ADAMTS17: variants seen among roughly 807,000 people sequenced by gnomAD.
ADAMTS17 encodes ADAM metallopeptidase with thrombospondin type 1 motif 17.
ADAMTS17 carries 113 observed loss-of-function variants against 141.5 expected under a neutral mutation model. The ratio of observed to expected loss-of-function variants is 0.80; its 90% CI spans 0.69 to 0.93. The LOEUF (loss-of-function observed/expected upper bound fraction) is 0.93, where lower values mean the gene tolerates loss of function less well. ADAMTS17 is among the 40% of genes least tolerant of loss of function. ADAMTS17 has a pLI of 0.00. For missense variants in ADAMTS17, 1,659 were observed against 1,517.9 expected, an observed-to-expected ratio of 1.09 and a Z score of -1.54; for synonymous variants, 768 against 630.6, an observed-to-expected ratio of 1.22 and a Z score of -3.27.
intron 5 of ADAMTS17, among the ~76,000 whole-genome samples, chr15:100,262,080 G>A (rs2043539576): frequency 6.6e-6 from 1 of 152,152 alleles, no homozygotes; most frequent in African/African-American, 2.4e-5. Context: ...TTGCCATCAA[G>A]CTTTGCACTA....
intron 15 of ADAMTS17, among the ~76,000 whole-genome samples, chr15:100,061,345 C>A (rs2033106607): frequency 6.6e-6 from 1 of 152,186 alleles, no homozygotes; most frequent in Non-Finnish European, 1.5e-5. Flanking sequence ...AGAGCAAGAC[C>A]TTGCAGCCCA....
intron 3 of ADAMTS17, among the ~76,000 whole-genome samples, chr15:100,326,301 A>G (rs1021884180): frequency 6.6e-6 from 1 of 152,230 alleles, no homozygotes; most frequent in South Asian, 2.1e-4. Flanking sequence ...GAAGGACAGG[A>G]AAGACTCCAA....
intron 10 of ADAMTS17, among the ~76,000 whole-genome samples, chr15:100,150,814 C>G (rs1430453118): frequency 6.6e-6 from 1 of 152,164 alleles, no homozygotes; most frequent in East Asian, 1.9e-4. Flanking sequence ...TTCCCCAGCC[C>G]CAGTGTCTGG....
chr15:100,168,506 G>C (rs1797972984), intron 8 of ADAMTS17: 1 of 152,224 alleles, frequency 6.6e-6, no homozygotes. Flanking sequence ...ACACAGGGCT[G>C]GGACAGGGCA....
At chr15:100,172,593 C>A (rs540598205) in intron 8 of ADAMTS17, among the ~76,000 whole-genome samples, 1 of 152,276 alleles carries the variant, frequency 6.6e-6, no homozygotes, top group South Asian at 2.1e-4. Context: ...CTTTAGTTAC[C>A]TGTTCCTAAC....
intron 18 of ADAMTS17, among the ~76,000 whole-genome samples, chr15:99,998,323 G>C (rs2060847004): frequency 6.6e-6 from 1 of 152,166 alleles, no homozygotes; most frequent in African/African-American, 2.4e-5. Flanking sequence ...CTTCGGCTCA[G>C]GCTGGGCGGT....
chr15:100,123,450 C>T (rs373204467), intron 12 of ADAMTS17, among the ~76,000 whole-genome samples: 8 of 152,286 alleles, frequency 5.3e-5, no homozygotes, highest in East Asian at 1.9e-4. Context: ...GGCAGGAAGG[C>T]GCAGCCCTAC....
At chr15:99,977,394 ATATATAATTTTTTTTTTTTT>A (rs2060380885) in intron 20 of ADAMTS17, among the ~76,000 whole-genome samples, 5 of 5,350 alleles carry the variant, frequency 9.3e-4, no homozygotes, top group African/African-American at 3.0e-3. Context: ...ATATATATAT[ATATATAATTTTTTTTTTTTT>A]TTTTTTTTTT....
At position 100,281,259 on chromosome 15, in the gene ADAMTS17, G is replaced by T. The variant is rs1201313870; in HGVS notation, c.759C>A (p.Ala253=). 1 of 1,606,762 alleles carries T rather than the reference G, an allele frequency of 6.2e-7. No homozygotes were observed. Among genetic ancestry groups the T allele is most frequent in the Non-Finnish European group, 8.5e-7 (1 of 1,179,970 alleles). The change falls in exon 4 of 22, where the codon GCC becomes GCA. Residue 253 remains alanine, a synonymous_variant. Transcript: ENST00000268070. ...TCATGACGGTCAGGATGAACCTCTG[G>T]GCGGCCTCGGCCCCGTGGTACTGCA... is the stretch of plus-strand genomic sequence containing the variant. ...DMVQYHGAEA[A]QRFILTVMNM... is the part of the protein sequence containing the mutation.
chr15:100,313,074 C>T (rs915562509), intron 3 of ADAMTS17, among the ~76,000 whole-genome samples: 3 of 152,132 alleles, frequency 2.0e-5, no homozygotes, highest in South Asian at 2.1e-4. Context: ...GATGGCTCCA[C>T]GGGGGATTCT....
intron 15 of ADAMTS17, among the ~76,000 whole-genome samples, chr15:100,064,839 G>C (rs918050596): frequency 4.6e-5 from 7 of 152,202 alleles, no homozygotes; most frequent in African/African-American, 1.4e-4. Context: ...ACGTAGGCTG[G>C]TAATAATTTT....
At chr15:100,087,284 C>T (rs1399938769) in intron 15 of ADAMTS17, among the ~76,000 whole-genome samples, 4 of 152,216 alleles carry the variant, frequency 2.6e-5, no homozygotes, top group Non-Finnish European at 4.4e-5. Context: ...CAAGACGAAA[C>T]CAGGAAGAAG....
chr15:99,974,121 C>T lies in ADAMTS17; in HGVS notation c.*281G>A. 1.9e-6 allele frequency: 1 copy of T among 513,340 alleles called. No individual in the cohort carries two copies. The highest frequency in any genetic ancestry group is 2.1e-5 in the South Asian group (1 of 48,618). 31.8% of individuals were successfully genotyped at this position (513,340 alleles called of 1,614,324 possible). A position where few individuals can be genotyped will look rare whatever the true frequency, so the allele number is the denominator to read the frequency against. Reference sequence around the variant, plus strand: ...ATGATGTCTCTCTCTTGACGGTTGTCTGCCAGAGGTGCTTCCCTTCGAGGT... The same window carrying T: ...ATGATGTCTCTCTCTTGACGGTTGTTTGCCAGAGGTGCTTCCCTTCGAGGT... On this transcript the variant is annotated 3_prime_UTR_variant, in exon 22 of 22. Coordinates refer to ENST00000268070, the MANE Select transcript of ADAMTS17 (RefSeq NM_139057.4).
At chr15:100,172,509 G>A (rs2040197372) in intron 8 of ADAMTS17, among the ~76,000 whole-genome samples, 1 of 152,086 alleles carries the variant, frequency 6.6e-6, no homozygotes, top group South Asian at 2.1e-4. Context: ...CTGGTCACCT[G>A]CTCCATCCTG....
chr15:100,074,514 T>A (rs138904112), intron 15 of ADAMTS17, among the ~76,000 whole-genome samples: 1 of 152,168 alleles, frequency 6.6e-6, no homozygotes, highest in African/African-American at 2.4e-5. Flanking sequence ...CTTGTTCTAT[T>A]AACAGTATAA....
rs146556630 is a variant in ADAMTS17, at chr15:99,978,072, C to G, written c.2950-1850G>C. On this transcript the variant is annotated intron_variant, in intron 20 of 21. Transcript: ENST00000268070. ...TGAATGCCACACGTGGTGAGGGAGG[C>G]AGGTGCCCCGCAGATCCTGTGCTTC... Among the ~76,000 whole-genome samples the G allele has an allele frequency of 1.9e-4, 29 of 152,312 alleles. No individual in the cohort carries two copies. In the East Asian group the frequency reaches 5.4e-3, roughly 29 times the overall value.
At chr15:99,975,991 C>T in intron 21 of ADAMTS17, 54 bp downstream of exon 21, 1 of 1,509,380 alleles carries the variant, frequency 6.6e-7, no homozygotes, top group Non-Finnish European at 8.9e-7. Context: ...GGAGGACTTA[C>T]TGGGCAGGAG....
At chr15:100,088,076 A>G (rs1423782912) in intron 15 of ADAMTS17, among the ~76,000 whole-genome samples, 2 of 152,210 alleles carry the variant, frequency 1.3e-5, no homozygotes, top group Non-Finnish European at 2.9e-5. Context: ...ACATGACTGT[A>G]TATCTAGAAA....
intron 6 of ADAMTS17, among the ~76,000 whole-genome samples, chr15:100,258,329 C>T (rs1414085694): frequency 2.6e-5 from 4 of 152,188 alleles, no homozygotes; most frequent in Admixed American, 2.6e-4. Flanking sequence ...TTTACATTCC[C>T]ATCGATGGTG....
Sources: allele counts gnomAD v4.1 joint callset (sites outside exome capture counted in the v4.1 genomes callset), GRCh38; gene constraint gnomAD v4.1.1; transcripts MANE v1.5; gene names NCBI Gene and HGNC (gene_info 2026-07-23, HGNC 2026-07-21).